The following ADGRL3 variants were observed in gnomAD, a reference collection of about 807,000 sequenced individuals.
ADGRL3 encodes the protein calcium-independent alpha-latrotoxin receptor 3.
In ADGRL3, 62 loss-of-function variants were observed where a neutral mutation model predicts 153.5. That is an observed-to-expected ratio of 0.40 (90% CI 0.33 to 0.50). ADGRL3 has a LOEUF of 0.50. Ranked by LOEUF, ADGRL3 falls within the 20% of genes least tolerant of loss-of-function variation. The probability of loss-of-function intolerance (pLI) is 0.47; values close to 1 mark genes in which losing one functional copy is unlikely to be tolerated. For missense variants in ADGRL3, 1,641 were observed against 1,859.4 expected (o/e 0.88, Z 2.16); for synonymous variants, 710 against 672.5 (o/e 1.06, Z -0.86).
At chr4:61,438,710 C>CT (rs11372072) in intron 2 of ADGRL3, among the ~76,000 whole-genome samples, 101,070 of 137,736 alleles carry the variant, frequency 0.73, 37,130 homozygotes, top group East Asian at 0.85. Flanking sequence ...ATCTTTCTTT[C>CT]TTTTTTTTTT....
At position 61,421,495 on chromosome 4, in the gene ADGRL3, G is replaced by A. The variant is rs1231130529; in HGVS notation, c.-174+38306G>A. 2.0e-5 allele frequency among the ~76,000 whole-genome samples: 3 copies of A among 152,054 alleles called. No homozygotes were observed. In the East Asian group the frequency reaches 5.8e-4, roughly 29 times the overall value. On this transcript the variant is annotated intron_variant, in intron 2 of 26. Transcript: ENST00000683033. ...TTCTATCTCTTTGGCACTTTAAAAA[G>A]TACTATTTATTGTTATTCCAGTGCC...
At chr4:61,749,717 G>C (rs1467012954) in intron 8 of ADGRL3, among the ~76,000 whole-genome samples, 1 of 152,062 alleles carries the variant, frequency 6.6e-6, no homozygotes, top group African/African-American at 2.4e-5. Context: ...TGTAGGGTGG[G>C]GGGTGGAGGG....
At chr4:61,746,256 T>G (rs2096659407) in intron 8 of ADGRL3, among the ~76,000 whole-genome samples, 1 of 152,106 alleles carries the variant, frequency 6.6e-6, no homozygotes, top group African/African-American at 2.4e-5. Flanking sequence ...ATATTAATAA[T>G]GGGAGACTTT....
intron 9 of ADGRL3, among the ~76,000 whole-genome samples, chr4:61,817,960 A>T (rs1159675976): frequency 6.6e-6 from 1 of 152,104 alleles, no homozygotes; most frequent in Non-Finnish European, 1.5e-5. Flanking sequence ...TTGGGTAGAG[A>T]CACAGCCAAA....
chr4:61,455,138 A>G (rs945913470), intron 2 of ADGRL3, among the ~76,000 whole-genome samples: 4 of 152,124 alleles, frequency 2.6e-5, no homozygotes, highest in African/African-American at 9.7e-5. Flanking sequence ...GGTGGGTTGG[A>G]GTAGGAAAAG....
intron 13 of ADGRL3, among the ~76,000 whole-genome samples, chr4:61,929,738 G>A (rs574297111): frequency 3.2e-4 from 49 of 152,258 alleles, no homozygotes; most frequent in African/African-American, 1.1e-3. Context: ...AGATAATGAC[G>A]TATGACACAA....
chr4:61,804,959 A>ATTTTTT (rs1231512178), intron 8 of ADGRL3, among the ~76,000 whole-genome samples: 2 of 145,686 alleles, frequency 1.4e-5, no homozygotes, highest in African/African-American at 2.6e-5. Flanking sequence ...ATTTTTATTT[A>ATTTTTT]TTTATTTTTT....
At chr4:62,018,308 A>G (rs974287419) in intron 21 of ADGRL3, among the ~76,000 whole-genome samples, 3 of 152,136 alleles carry the variant, frequency 2.0e-5, no homozygotes, top group Non-Finnish European at 4.4e-5. Context: ...GCAGAGCAGT[A>G]GGCATCTCAG....
At chr4:61,871,518 A>G (rs1462105328) in intron 9 of ADGRL3, among the ~76,000 whole-genome samples, 1 of 152,164 alleles carries the variant, frequency 6.6e-6, no homozygotes, top group Non-Finnish European at 1.5e-5. Flanking sequence ...GCCGGTCACT[A>G]AAGGCACATA....
At position 61,589,029 on chromosome 4, in the gene ADGRL3, A is replaced by T. The variant is rs139660143; in HGVS notation, c.473+1589A>T. Among the ~76,000 whole-genome samples, 52 of 152,208 alleles carry T rather than the reference A, an allele frequency of 3.4e-4. No individual in the cohort carries two copies. In the East Asian group the frequency reaches 9.7e-3, roughly 28 times the overall value. On this transcript the variant is annotated intron_variant, in intron 5 of 26. Transcript: ENST00000683033. The stretch of plus-strand genomic sequence containing the variant: ...TTTAATCCTTTCATTAATATTATTA[A>T]CAGCTCCAAAAATAAGCCTTTAATC...
intron 18 of ADGRL3, among the ~76,000 whole-genome samples, chr4:61,981,821 T>C (rs2099069450): frequency 6.6e-6 from 1 of 152,184 alleles, no homozygotes; most frequent in African/African-American, 2.4e-5. Context: ...TATGGAGTGC[T>C]TTACAATAAA....
At chr4:61,364,632 T>A (rs1025855310) in intron 1 of ADGRL3, among the ~76,000 whole-genome samples, 16 of 152,180 alleles carry the variant, frequency 1.1e-4, no homozygotes, top group African/African-American at 3.9e-4. Flanking sequence ...TTAGAATAAC[T>A]ATTGTAAGAT....
chr4:61,990,437 G>C (rs562464791), intron 19 of ADGRL3, among the ~76,000 whole-genome samples: 2 of 151,880 alleles, frequency 1.3e-5, no homozygotes, highest in South Asian at 4.2e-4. Context: ...GACTTTTGGT[G>C]GGTACAGAGT....
intron 1 of ADGRL3, among the ~76,000 whole-genome samples, chr4:61,346,680 C>T (rs2095917488): frequency 6.9e-6 from 1 of 144,264 alleles, no homozygotes; most frequent in African/African-American, 2.6e-5. Flanking sequence ...AAGGCTGAGA[C>T]AAGAGGACTG....
At chr4:61,341,057 T>C (rs1413655409) in intron 1 of ADGRL3, among the ~76,000 whole-genome samples, 2 of 151,964 alleles carry the variant, frequency 1.3e-5, no homozygotes, top group Non-Finnish European at 2.9e-5. Context: ...AGTTGTGAAG[T>C]AATGACATTT....
intron 23 of ADGRL3, among the ~76,000 whole-genome samples, chr4:62,037,007 A>G (rs1725371822): frequency 1.3e-5 from 2 of 152,146 alleles, no homozygotes; most frequent in South Asian, 2.1e-4. Flanking sequence ...ATTTTATACT[A>G]CAACCAAGAT....
intron 3 of ADGRL3, among the ~76,000 whole-genome samples, chr4:61,511,905 T>C (rs1163358499): frequency 6.6e-6 from 1 of 152,174 alleles, no homozygotes; most frequent in Non-Finnish European, 1.5e-5. Context: ...TGTTAGAGAT[T>C]ACTACCCAGC....
chr4:61,842,745 G>A (rs1169011744), intron 9 of ADGRL3, among the ~76,000 whole-genome samples: 1 of 152,176 alleles, frequency 6.6e-6, no homozygotes, highest in Non-Finnish European at 1.5e-5. Context: ...TCACCTGAAA[G>A]CGGTTTGTGT....
intron 25 of ADGRL3, among the ~76,000 whole-genome samples, chr4:62,064,765 G>GT (rs540870109): frequency 2.6e-5 from 4 of 151,642 alleles, no homozygotes; most frequent in Admixed American, 2.6e-4. Context: ...GGATATATTT[G>GT]TTAAAACAAG....
Sources: gnomAD v4.1 joint callset for allele counts (sites outside exome capture counted in the v4.1 genomes callset) on GRCh38, gnomAD v4.1.1 for gene constraint, MANE v1.5 for transcripts, NCBI Gene and HGNC (gene_info 2026-07-23, HGNC 2026-07-21) for gene names.